Variants in ANKRD26 observed in about 807,000 individuals in gnomAD.
ANKRD26 encodes ankyrin repeat domain-containing protein 26.
Under a neutral mutation model 208.7 loss-of-function variants are expected in ANKRD26, and 141 were observed. The ratio of observed to expected loss-of-function variants is 0.68; its 90% CI spans 0.59 to 0.78. The LOEUF is 0.78. ANKRD26 is among the 30% of genes least tolerant of loss of function. The pLI, the probability that ANKRD26 is intolerant of heterozygous loss-of-function variation, is 0.00. For missense variants in ANKRD26, 1,889 were observed against 1,938.7 expected, an observed-to-expected ratio of 0.97 and a Z score of 0.48; for synonymous variants, 636 against 660.4, an observed-to-expected ratio of 0.96 and a Z score of 0.57.
exon 6 of ANKRD26, among the ~76,000 whole-genome samples, chr10:26,974,344 T>A (rs1163975716): frequency 4.0e-5 from 2 of 49,418 alleles, no homozygotes; most frequent in Non-Finnish European, 6.7e-5. Flanking sequence ...CTTCTGCATT[T>A]TTTTTTTTTT....
intron 7 of ANKRD26, among the ~76,000 whole-genome samples, chr10:27,078,713 G>A (rs2055789833): frequency 6.6e-6 from 1 of 151,966 alleles, no homozygotes; most frequent in East Asian, 1.9e-4. Flanking sequence ...TACAGAGAGA[G>A]AAAAATGGAA....
downstream of ANKRD26, among the ~76,000 whole-genome samples, chr10:26,973,733 A>G (rs1216091371): frequency 7.8e-6 from 1 of 128,736 alleles, no homozygotes; most frequent in Non-Finnish European, 1.5e-5. Context: ...GGCTCACTGC[A>G]GCCTCTGCCT....
chr10:26,960,564 T>C, the ANKRD26 span, among the ~76,000 whole-genome samples: 362 of 152,354 alleles, frequency 2.4e-3, 3 homozygotes, highest in African/African-American at 8.4e-3. Flanking sequence ...CACTAAATCC[T>C]GACATATGAT....
chr10:26,998,936 G>T (rs942082975), intron 4 of ANKRD26, among the ~76,000 whole-genome samples: 2 of 152,160 alleles, frequency 1.3e-5, no homozygotes, highest in Non-Finnish European at 2.9e-5. Flanking sequence ...AAAGAGGTCG[G>T]GATAAAGTAG....
chr10:27,014,491 T>C lies in ANKRD26; in HGVS notation c.4724+3A>G. ...TTTCCTATGATTCTATATTTTGACTTACTTGGTTAGTTTACTTGACAAAGA... is the reference window on the plus strand; with the variant it reads ...TTTCCTATGATTCTATATTTTGACTCACTTGGTTAGTTTACTTGACAAAGA... On this transcript the variant is annotated splice_donor_region_variant and intron_variant, in intron 31 of 33. Coordinates refer to ENST00000376087, the MANE Select transcript of ANKRD26 (RefSeq NM_014915.3). 1 of 1,540,882 alleles carries C rather than the reference T, an allele frequency of 6.5e-7. No homozygotes were observed. Among genetic ancestry groups the C allele is most frequent in the Admixed American group, 1.7e-5 (1 of 58,748 alleles).
chr10:27,023,824 G>A (rs936867510), intron 28 of ANKRD26, among the ~76,000 whole-genome samples: 1 of 152,072 alleles, frequency 6.6e-6, no homozygotes, highest in Admixed American at 6.6e-5. Context: ...GTAGAAACAT[G>A]ATTGCTCATT....
intron 25 of ANKRD26, among the ~76,000 whole-genome samples, chr10:27,030,934 T>C (rs761126430): frequency 6.6e-6 from 1 of 152,094 alleles, no homozygotes; most frequent in Non-Finnish European, 1.5e-5. Context: ...CGTAGGCAAA[T>C]TTATAATTAG....
chr10:26,953,439 A>G, the ANKRD26 span, among the ~76,000 whole-genome samples: 2 of 152,254 alleles, frequency 1.3e-5, no homozygotes, highest in Non-Finnish European at 2.9e-5. Context: ...CTCCAAATAA[A>G]TAAATAAATA....
At chr10:27,050,146 G>A (rs916508823) in intron 16 of ANKRD26, among the ~76,000 whole-genome samples, 2 of 148,750 alleles carry the variant, frequency 1.3e-5, no homozygotes, top group African/African-American at 5.0e-5. Context: ...CTTGAACCCG[G>A]GAGGCGGAGG....
chr10:27,065,739 A>AC (rs1222214750), intron 11 of ANKRD26, among the ~76,000 whole-genome samples: 2 of 150,036 alleles, frequency 1.3e-5, no homozygotes, highest in Non-Finnish European at 3.0e-5. Context: ...AAACAAAAAA[A>AC]AAAAACAAAA....
chr10:27,049,728 T>TTAAA (rs1465778980), intron 16 of ANKRD26, among the ~76,000 whole-genome samples: 1 of 152,132 alleles, frequency 6.6e-6, no homozygotes, highest in Non-Finnish European at 1.5e-5. Context: ...ACAAGAAAGA[T>TTAAA]TAAATGATCC....
intron 4 of ANKRD26, chr10:27,088,282 A>G (rs957239553): frequency 7.9e-5 from 12 of 152,136 alleles, no homozygotes; most frequent in Admixed American, 7.9e-4. Flanking sequence ...TTTGACTCAC[A>G]CTGTTAGCAA....
exon 6 of ANKRD26, among the ~76,000 whole-genome samples, chr10:26,974,370 C>T (rs4237381): frequency 0.86 from 128,801 of 149,160 alleles, 56,015 homozygotes; most frequent in East Asian, 1. Context: ...AGATGGAGTC[C>T]CGCTCTGTTG....
chr10:27,013,815 C>A (rs1015687531), intron 31 of ANKRD26, among the ~76,000 whole-genome samples: 1 of 152,174 alleles, frequency 6.6e-6, no homozygotes, highest in Non-Finnish European at 1.5e-5. Context: ...TAAAGAGTCT[C>A]AAAGGCAGTT....
At chr10:27,032,603 G>A (rs2053904217) in intron 25 of ANKRD26, among the ~76,000 whole-genome samples, 1 of 149,748 alleles carries the variant, frequency 6.7e-6, no homozygotes, top group African/African-American at 2.5e-5. Flanking sequence ...GCCACTGCAC[G>A]CCAGCCTGGG....
chr10:26,970,487 A>G (rs1444527303), downstream of ANKRD26, among the ~76,000 whole-genome samples: 1 of 152,070 alleles, frequency 6.6e-6, no homozygotes, highest in Non-Finnish European at 1.5e-5. Context: ...TGCTTTCCCC[A>G]TGTGAGGTGC....
chr10:26,984,845 T>C (rs1564331834), intron 3 of ANKRD26, among the ~76,000 whole-genome samples: 2 of 152,102 alleles, frequency 1.3e-5, no homozygotes, highest in South Asian at 4.2e-4. Context: ...ACTTAGCCAA[T>C]TGTGTTTTAA....
intron 18 of ANKRD26, among the ~76,000 whole-genome samples, chr10:27,045,082 T>C (rs2054391966): frequency 6.6e-6 from 1 of 152,202 alleles, no homozygotes; most frequent in African/African-American, 2.4e-5. Flanking sequence ...AAGAAATTCA[T>C]CAATGTTCAT....
chr10:27,026,863 T>C (rs2053675471), intron 27 of ANKRD26, among the ~76,000 whole-genome samples: 1 of 152,040 alleles, frequency 6.6e-6, no homozygotes. Flanking sequence ...CTCGTCTCAC[T>C]GTAACCTCCA....
Sources: gnomAD v4.1 joint callset for allele counts (sites outside exome capture counted in the v4.1 genomes callset) on GRCh38, gnomAD v4.1.1 for gene constraint, MANE v1.5 for transcripts, NCBI Gene and HGNC (gene_info 2026-07-23, HGNC 2026-07-21) for gene names.